SEMA4D: variants seen among roughly 807,000 people sequenced by gnomAD.
The protein encoded by SEMA4D is semaphorin 4D.
A neutral mutation model predicts 74.8 loss-of-function variants in SEMA4D; 22 were observed. The ratio of observed to expected loss-of-function variants is 0.29; its 90% CI spans 0.21 to 0.42. The LOEUF is 0.42. Among genes scored for constraint, SEMA4D ranks in the 10% least tolerant of loss-of-function variants. The pLI, the probability that SEMA4D is intolerant of heterozygous loss-of-function variation, is 1.00. For missense variants in SEMA4D, 937 were observed against 1,118.4 expected, an observed-to-expected ratio of 0.84 and a Z score of 2.31; for synonymous variants, 445 against 463.7, an observed-to-expected ratio of 0.96 and a Z score of 0.52.
At chr9:89,411,129 C>A (rs181923926) in intron 2 of SEMA4D, among the ~76,000 whole-genome samples, 1 of 152,110 alleles carries the variant, frequency 6.6e-6, no homozygotes, top group African/African-American at 2.4e-5. Context: ...TCCAATGGGG[C>A]GGGGCAGGAG....
Position 89,387,512 on chromosome 9 carries a change from C to A in SEMA4D, c.1204G>T (p.Asp402Tyr). The A allele has an allele frequency of 1.2e-6, 2 of 1,614,230 alleles. No individual in the cohort carries two copies. The highest frequency in any genetic ancestry group is 1.7e-6 in the Non-Finnish European group (2 of 1,180,038). Residue 402 changes from aspartate to tyrosine, a missense_variant, in exon 12 of 16, where the codon GAC becomes TAC. Asp to Tyr is a radical substitution (Grantham distance 160). Coordinates refer to ENST00000422704, the MANE Select transcript of SEMA4D (RefSeq NM_001371194.2). Reference protein sequence around the residue: ...QFVKDHPLMDDSVTPIDNRPR... With the variant: ...QFVKDHPLMDYSVTPIDNRPR... ...CTGTTGTCTATTGGGGTTACCGAGTCATCCATCAAAGGGTGGTCTTTAACG... is the reference window on the plus strand; with the variant it reads ...CTGTTGTCTATTGGGGTTACCGAGTAATCCATCAAAGGGTGGTCTTTAACG...
At chr9:89,383,156 G>A (rs1037812374) in intron 13 of SEMA4D, among the ~76,000 whole-genome samples, 4 of 152,334 alleles carry the variant, frequency 2.6e-5, no homozygotes, top group Middle Eastern at 3.4e-3. Context: ...CGATGTGGAT[G>A]TCAGTGGGTG....
At chr9:89,473,942 A>G (rs10512196) in intron 1 of SEMA4D, among the ~76,000 whole-genome samples, 29,041 of 152,160 alleles carry the variant, frequency 0.19, 2,969 homozygotes, top group East Asian at 0.32. Context: ...CAGGCTGGTC[A>G]ATCAGTGACA....
At chr9:89,374,984 C>A (rs532226750), downstream of SEMA4D, among the ~76,000 whole-genome samples, 1 of 152,142 alleles carries the variant, frequency 6.6e-6, no homozygotes, top group Admixed American at 6.5e-5. Context: ...TCCTGGGAGG[C>A]GAAGCTTGCA....
intron 2 of SEMA4D, among the ~76,000 whole-genome samples, chr9:89,433,508 C>T (rs1007901769): frequency 1.3e-5 from 2 of 152,238 alleles, no homozygotes; most frequent in Admixed American, 1.3e-4. Flanking sequence ...CCACATGCTA[C>T]GGCCTTCTGA....
At chr9:89,477,097 C>CA (rs1861934843) in intron 1 of SEMA4D, among the ~76,000 whole-genome samples, 2 of 152,142 alleles carry the variant, frequency 1.3e-5, no homozygotes, top group African/African-American at 4.8e-5. Flanking sequence ...AAAATAAGTT[C>CA]AGTAAGCCTC....
intron 1 of SEMA4D, among the ~76,000 whole-genome samples, chr9:89,480,678 GC>G (rs1170069127): frequency 3.9e-5 from 6 of 152,198 alleles, no homozygotes; most frequent in African/African-American, 7.2e-5. Context: ...GTCCCCCATT[GC>G]CCGGGGCCAG....
At chr9:89,445,273 C>T (rs975413488) in intron 2 of SEMA4D, among the ~76,000 whole-genome samples, 1 of 152,214 alleles carries the variant, frequency 6.6e-6, no homozygotes, top group Non-Finnish European at 1.5e-5. Flanking sequence ...GAAACCCATG[C>T]ACTGAATGAC....
intron 2 of SEMA4D, among the ~76,000 whole-genome samples, chr9:89,440,640 G>GC (rs1281410199): frequency 6.6e-6 from 1 of 152,220 alleles, no homozygotes; most frequent in Non-Finnish European, 1.5e-5. Context: ...GGCACCTCGT[G>GC]CAAGACTTAT....
At chr9:89,402,824 C>T (rs1261344822) in intron 4 of SEMA4D, 47 bp downstream of exon 4, 1 of 1,587,280 alleles carries the variant, frequency 6.3e-7, no homozygotes, top group Non-Finnish European at 8.6e-7. Context: ...GAGAGGCTGC[C>T]CACTCAAGCT....
chr9:89,460,228 A>G (rs1383807884), intron 1 of SEMA4D, among the ~76,000 whole-genome samples: 1 of 152,168 alleles, frequency 6.6e-6, no homozygotes, highest in Non-Finnish European at 1.5e-5. Context: ...GCCCCTCCTG[A>G]GAAACAGCTG....
chr9:89,361,397 G>A (rs1363038195), exon 19 of SEMA4D: 4 of 152,228 alleles, frequency 2.6e-5, no homozygotes, highest in African/African-American at 9.7e-5. Context: ...CCAGAGGGGT[G>A]CGGCTTGACT....
chr9:89,440,320 C>T (rs927815887), intron 2 of SEMA4D, among the ~76,000 whole-genome samples: 1 of 152,226 alleles, frequency 6.6e-6, no homozygotes, highest in African/African-American at 2.4e-5. Flanking sequence ...CACGCTTTCA[C>T]CCACCCCCAT....
At position 89,379,291 on chromosome 9, in the gene SEMA4D, T is replaced by G; in HGVS notation, c.2002A>C (p.Ile668Leu). The G allele has an allele frequency of 6.2e-7, 1 of 1,614,106 alleles. No individual in the cohort carries two copies. The highest frequency in any genetic ancestry group is 8.5e-7 in the Non-Finnish European group (1 of 1,180,012). The change falls in exon 16 of 16, where the codon ATT becomes CTT. Residue 668 changes from isoleucine (I) to leucine (L), a missense_variant. By Grantham distance (5) the Ile-to-Leu change is conservative. Transcript: ENST00000422704. ...LSVVQTEGSR[I>L]ATKVLVASTQ... ...GATGCCACCAACACTTTGGTGGCAA[T>G]CCTACTACCTTCTGTCTGAACAACT...
At chr9:89,409,045 C>A (rs138046713) in intron 2 of SEMA4D, among the ~76,000 whole-genome samples, 1 of 152,212 alleles carries the variant, frequency 6.6e-6, no homozygotes, top group East Asian at 1.9e-4. Flanking sequence ...CAGGGGCAGG[C>A]GAGTGGGTAT....
chr9:89,394,645 G>A (rs1564608099), intron 6 of SEMA4D, among the ~76,000 whole-genome samples: 1 of 152,354 alleles, frequency 6.6e-6, no homozygotes, highest in East Asian at 1.9e-4. Context: ...AGGCTGGCTG[G>A]AAACACGCTC....
intron 2 of SEMA4D, among the ~76,000 whole-genome samples, chr9:89,439,675 C>T (rs1316368516): frequency 6.6e-6 from 1 of 152,206 alleles, no homozygotes; most frequent in African/African-American, 2.4e-5. Context: ...TCAGCTCAGC[C>T]GGCGGCTGAC....
At chr9:89,414,945 A>G (rs1299942127) in intron 2 of SEMA4D, among the ~76,000 whole-genome samples, 1 of 152,234 alleles carries the variant, frequency 6.6e-6, no homozygotes, top group East Asian at 1.9e-4. Flanking sequence ...TGGGAAACCC[A>G]GGGAGAGAGA....
At chr9:89,471,827 G>C (rs1186826542) in intron 1 of SEMA4D, among the ~76,000 whole-genome samples, 1 of 131,402 alleles carries the variant, frequency 7.6e-6, no homozygotes, top group Non-Finnish European at 1.7e-5. Context: ...CATACAGGCT[G>C]AGGTGCATGC....
Sources: allele counts gnomAD v4.1 joint callset (sites outside exome capture counted in the v4.1 genomes callset), GRCh38; gene constraint gnomAD v4.1.1; transcripts MANE v1.5; gene names NCBI Gene and HGNC (gene_info 2026-07-23, HGNC 2026-07-21).